ADAMTSL1: variants seen among roughly 807,000 people sequenced by gnomAD.
ADAMTSL1 encodes ADAMTS like 1.
Under a neutral mutation model 201.8 loss-of-function variants are expected in ADAMTSL1, and 126 were observed. The ratio of observed to expected loss-of-function variants is 0.62; its 90% CI spans 0.54 to 0.72. The LOEUF is 0.72. Among genes scored for constraint, ADAMTSL1 ranks in the 30% least tolerant of loss-of-function variants. ADAMTSL1 has a pLI of 0.00. For missense variants in ADAMTSL1, 2,679 were observed against 2,277.8 expected (o/e 1.18, Z -3.59); for synonymous variants, 1,121 against 903.4 (o/e 1.24, Z -4.32).
chr9:18,865,852 C>G (rs1174275812), intron 23 of ADAMTSL1, among the ~76,000 whole-genome samples: 1 of 152,090 alleles, frequency 6.6e-6, no homozygotes, highest in African/African-American at 2.4e-5. Flanking sequence ...TAGCTGAGGC[C>G]TGGAGAGGAG....
At chr9:18,265,384 C>T (rs1651873332) in intron 2 of ADAMTSL1, among the ~76,000 whole-genome samples, 1 of 152,154 alleles carries the variant, frequency 6.6e-6, no homozygotes, top group Non-Finnish European at 1.5e-5. Context: ...TATTCCTCTT[C>T]CTGATTTATT....
At chr9:18,590,300 G>A (rs1298309333) in intron 4 of ADAMTSL1, among the ~76,000 whole-genome samples, 1 of 151,806 alleles carries the variant, frequency 6.6e-6, no homozygotes, top group Non-Finnish European at 1.5e-5. Flanking sequence ...CAATTTATTG[G>A]TATATAATTG....
chr9:18,564,975 G>C (rs543133107), intron 3 of ADAMTSL1, among the ~76,000 whole-genome samples: 7 of 152,120 alleles, frequency 4.6e-5, no homozygotes, highest in Non-Finnish European at 7.4e-5. Flanking sequence ...AAGAGAAAAA[G>C]TAAAAGCACT....
chr9:18,063,600 A>T (rs1822556882), intron 1 of ADAMTSL1, among the ~76,000 whole-genome samples: 2 of 152,208 alleles, frequency 1.3e-5, no homozygotes, highest in Non-Finnish European at 2.9e-5. Context: ...GGGAAGGGCC[A>T]TGTTGACTAG....
At chr9:18,266,335 G>C (rs1197461055) in intron 2 of ADAMTSL1, among the ~76,000 whole-genome samples, 1 of 152,218 alleles carries the variant, frequency 6.6e-6, no homozygotes, top group Non-Finnish European at 1.5e-5. Flanking sequence ...CAGCAGACCA[G>C]AGCCTGGTCC....
chr9:18,191,234 G>A (rs1262784627), intron 2 of ADAMTSL1, among the ~76,000 whole-genome samples: 3 of 152,142 alleles, frequency 2.0e-5, no homozygotes, highest in Admixed American at 6.6e-5. Flanking sequence ...GAAACTGGCT[G>A]CTTGACCTTC....
chr9:18,233,620 A>T (rs181505071), intron 2 of ADAMTSL1, among the ~76,000 whole-genome samples: 1 of 150,626 alleles, frequency 6.6e-6, no homozygotes, highest in Admixed American at 6.6e-5. Flanking sequence ...CAGACAGCAG[A>T]CAAAGAGATG....
intron 2 of ADAMTSL1, among the ~76,000 whole-genome samples, chr9:18,441,865 T>C (rs190620640): frequency 6.4e-4 from 97 of 152,352 alleles, no homozygotes; most frequent in African/African-American, 2.2e-3. Context: ...CTCAGTTCAA[T>C]TTTTAACTAA....
At chr9:18,314,908 T>G (rs1313115601) in intron 2 of ADAMTSL1, among the ~76,000 whole-genome samples, 1 of 145,386 alleles carries the variant, frequency 6.9e-6, no homozygotes, top group Non-Finnish European at 1.5e-5. Context: ...GCCATTCTCC[T>G]GCCTCAGCCT....
At chr9:18,352,899 A>T (rs1057401192) in intron 2 of ADAMTSL1, among the ~76,000 whole-genome samples, 1 of 152,208 alleles carries the variant, frequency 6.6e-6, no homozygotes, top group Non-Finnish European at 1.5e-5. Flanking sequence ...TAACTTACAT[A>T]AGCAAATAAC....
At chr9:18,775,601 A>T in intron 17 of ADAMTSL1, 142 bp from the exon 18 acceptor site, 2 of 1,104,438 alleles carry the variant, frequency 1.8e-6, no homozygotes, top group Non-Finnish European at 2.6e-6. Flanking sequence ...CCACATTGTG[A>T]CCTCATAATT....
intron 1 of ADAMTSL1, among the ~76,000 whole-genome samples, chr9:18,037,012 C>G (rs1821228876): frequency 6.6e-6 from 1 of 152,182 alleles, no homozygotes; most frequent in Non-Finnish European, 1.5e-5. Context: ...TGTCCCCTCC[C>G]TTTTGGGGCT....
intron 1 of ADAMTSL1, among the ~76,000 whole-genome samples, chr9:18,124,470 A>G (rs915366740): frequency 1.3e-5 from 2 of 152,064 alleles, no homozygotes; most frequent in African/African-American, 4.8e-5. Context: ...TTTTTTATAT[A>G]TTCTGGATGC....
At chr9:18,267,249 G>A (rs906795987) in intron 2 of ADAMTSL1, among the ~76,000 whole-genome samples, 1 of 152,134 alleles carries the variant, frequency 6.6e-6, no homozygotes, top group African/African-American at 2.4e-5. Context: ...AGGCAATATA[G>A]TCAGTCATGC....
chr9:18,865,923 G>A (rs1477901056), intron 23 of ADAMTSL1, among the ~76,000 whole-genome samples: 6 of 152,074 alleles, frequency 3.9e-5, no homozygotes, highest in East Asian at 1.9e-4. Context: ...CCGCATATAC[G>A]TAGCTGGGAG....
intron 14 of ADAMTSL1, among the ~76,000 whole-genome samples, chr9:18,718,782 A>G (rs559107117): frequency 6.6e-6 from 1 of 152,216 alleles, no homozygotes; most frequent in Non-Finnish European, 1.5e-5. Flanking sequence ...CACCTGATCC[A>G]GTCACTTTCA....
chr9:18,502,811 T>C (rs1272668582), intron 1 of ADAMTSL1, among the ~76,000 whole-genome samples: 3 of 152,148 alleles, frequency 2.0e-5, no homozygotes, highest in Admixed American at 1.3e-4. Flanking sequence ...GATGATACTT[T>C]ACAAGCACGG....
intron 1 of ADAMTSL1, among the ~76,000 whole-genome samples, chr9:17,907,904 T>C (rs1331604583): frequency 6.6e-6 from 1 of 152,156 alleles, no homozygotes; most frequent in Non-Finnish European, 1.5e-5. Flanking sequence ...TCTGGGAAAA[T>C]ACCCAAATAC....
chr9:18,249,471 G>C (rs756330732), intron 2 of ADAMTSL1, among the ~76,000 whole-genome samples: 8 of 151,910 alleles, frequency 5.3e-5, no homozygotes, highest in African/African-American at 1.9e-4. Flanking sequence ...ATATAGAGAG[G>C]GACGTTGCAA....
Sources: allele counts gnomAD v4.1 joint callset (sites outside exome capture counted in the v4.1 genomes callset), GRCh38; gene constraint gnomAD v4.1.1; transcripts MANE v1.5; gene names NCBI Gene and HGNC (gene_info 2026-07-23, HGNC 2026-07-21).